MTO1: variants seen among roughly 807,000 people sequenced by gnomAD.
The protein encoded by MTO1 is mitochondrial tRNA translation optimization 1, also known as 5-taurinomethyluridine-[tRNA] synthase subunit MTO1, mitochondrial.
In MTO1, 46 loss-of-function variants were observed where a neutral mutation model predicts 71.6. That is an observed-to-expected ratio of 0.64 (90% CI 0.51 to 0.82). MTO1 has a LOEUF of 0.82. Among genes scored for constraint, MTO1 ranks in the 40% least tolerant of loss-of-function variants. MTO1 has a pLI of 0.00. For missense variants in MTO1, 773 were observed against 867.5 expected (o/e 0.89, Z 1.37); for synonymous variants, 297 against 312.1 (o/e 0.95, Z 0.51).
rs1024264399 is a variant in MTO1, at chr6:73,482,263, C to T, written c.1465+19C>T. ...CTGCGAGGTAACTCTTTCCTGAGTC[C>T]TGCAATCCAGCCAGGCATGGTGGCT... On this transcript the variant is annotated intron_variant, in intron 8 of 11. Coordinates refer to ENST00000498286, the MANE Select transcript of MTO1 (RefSeq NM_012123.4). 1 of 1,612,638 alleles carries T rather than the reference C, an allele frequency of 6.2e-7. No homozygotes were observed. The highest frequency in any genetic ancestry group is 1.3e-5 in the African/African-American group (1 of 74,856).
Position 73,480,719 on chromosome 6 carries a change from C to G in MTO1, c.1174C>G (p.Pro392Ala). The G allele has an allele frequency of 6.2e-7, 1 of 1,613,942 alleles. No homozygotes were observed. The highest frequency in any genetic ancestry group is 2.2e-5 in the East Asian group (1 of 44,874). ...YDYLDPRQIT[P>A]SLETHLVQRL... is the part of the protein sequence containing the mutation. ...TTACTTAGATCCCCGTCAGATCACC[C>G]CTTCCTTGGAGACTCATTTGGTTCA... The change falls in exon 7 of 12, where the codon CCT becomes GCT. Residue 392 changes from proline to alanine, a missense_variant. Coordinates refer to ENST00000498286, the MANE Select transcript of MTO1 (RefSeq NM_012123.4).
At position 73,461,981 on chromosome 6, in the gene MTO1, G is replaced by T; in HGVS notation, c.127G>T (p.Gly43Cys). The T allele has an allele frequency of 6.2e-7, 1 of 1,614,240 alleles. No homozygotes were observed. The highest frequency in any genetic ancestry group is 8.5e-7 in the Non-Finnish European group (1 of 1,180,048). Residue 43 changes from glycine (G) to cysteine (C), a missense_variant, in exon 1 of 12, where the codon GGT becomes TGT. Gly to Cys is a radical substitution (Grantham distance 159, BLOSUM62 -3). Transcript: ENST00000498286. ...TCCGCACTTCGACGTGATAGTCATT[G>T]GTGGAGGACATGCCGGGACTGAGGC... ...RTPHFDVIVI[G>C]GGHAGTEAAT... is the part of the protein sequence containing the mutation.
chr6:73,469,587 A>G (rs1771091574), intron 3 of MTO1, among the ~76,000 whole-genome samples: 1 of 151,872 alleles, frequency 6.6e-6, no homozygotes, highest in South Asian at 2.1e-4. Flanking sequence ...GTGCCACTGC[A>G]CTCCAGCCTG....
chr6:73,473,720 A>T (rs1457994752), intron 4 of MTO1, 66 bp downstream of exon 4: 1 of 1,039,492 alleles, frequency 9.6e-7, no homozygotes, highest in South Asian at 2.3e-5. Context: ...AAGTACTGTA[A>T]CTTTTTTTTT....
intron 4 of MTO1, among the ~76,000 whole-genome samples, chr6:73,476,781 A>G (rs1582681373): frequency 1.3e-5 from 2 of 151,798 alleles, no homozygotes; most frequent in South Asian, 4.2e-4. Context: ...CAGGGACAAT[A>G]AAATTTAAAT....
At chr6:73,474,728 A>G (rs969678390) in intron 4 of MTO1, among the ~76,000 whole-genome samples, 5 of 151,226 alleles carry the variant, frequency 3.3e-5, no homozygotes, top group Admixed American at 2.0e-4. Context: ...TGCTGGGATT[A>G]CAGATGTGAG....
intron 10 of MTO1, among the ~76,000 whole-genome samples, chr6:73,492,995 T>TGTGTGTGTGTGTGTGTGTG (rs540252865): frequency 5.5e-5 from 4 of 73,308 alleles, no homozygotes; most frequent in African/African-American, 1.9e-4. Flanking sequence ...TGTGTGTGTA[T>TGTGTGTGTGTGTGTGTGTG]TTTTTTTTTT....
chr6:73,466,128 C>G, intron 1 of MTO1, 81 bp from the exon 2 acceptor site: 1 of 1,171,580 alleles, frequency 8.5e-7, no homozygotes, highest in African/African-American at 1.5e-5. Flanking sequence ...TTATAGTCAC[C>G]TGTATAAATG....
intron 4 of MTO1, among the ~76,000 whole-genome samples, chr6:73,475,754 C>T (rs972073065): frequency 3.9e-5 from 6 of 151,990 alleles, no homozygotes; most frequent in South Asian, 2.1e-4. Flanking sequence ...TCAGGTGATC[C>T]GCCCGCCTCG....
Position 73,505,901 on chromosome 6 carries a change from T to C in MTO1, c.*5166T>C, listed in dbSNP as rs1251595787. ...AAAGAGTTCTGGAGATGGTTGATGG[T>C]GATGGTTGCACAACAATTTGAATAT... is the stretch of plus-strand genomic sequence containing the variant. On this transcript the variant is annotated 3_prime_UTR_variant, in exon 12 of 12. Coordinates refer to ENST00000498286, the MANE Select transcript of MTO1 (RefSeq NM_012123.4). 6.6e-6 allele frequency: 1 copy of C among 152,132 alleles called. No individual in the cohort carries two copies. The highest frequency in any genetic ancestry group is 1.5e-5 in the Non-Finnish European group (1 of 68,042). 9.4% of individuals were successfully genotyped at this position (152,132 alleles called of 1,614,324 possible). A position where few individuals can be genotyped will look rare whatever the true frequency, so the allele number is the denominator to read the frequency against.
chr6:73,496,950 G>A (rs967382458), intron 10 of MTO1, among the ~76,000 whole-genome samples: 3 of 151,278 alleles, frequency 2.0e-5, no homozygotes, highest in Admixed American at 6.6e-5. Flanking sequence ...CTACTTAGGA[G>A]GCTGAGGCAG....
At position 73,461,802 on chromosome 6, in the gene MTO1, T is replaced by G; in HGVS notation, c.-53T>G. The G allele has an allele frequency of 6.3e-7, 1 of 1,576,176 alleles. No homozygotes were observed. Among genetic ancestry groups the G allele is most frequent in the Non-Finnish European group, 8.7e-7 (1 of 1,150,914 alleles). ...CAGATTGTCTCTTGTTGCGTAAGTT[T>G]TTTTGACCGTCACTCGTGTCAGCTT... On this transcript the variant is annotated 5_prime_UTR_variant, in exon 1 of 12. Coordinates refer to ENST00000498286, the MANE Select transcript of MTO1 (RefSeq NM_012123.4).
Position 73,480,810 on chromosome 6 carries a change from G to A in MTO1, c.1260+5G>A. On this transcript the variant is annotated splice_donor_5th_base_variant and intron_variant, in intron 7 of 11. Coordinates refer to ENST00000498286, the MANE Select transcript of MTO1 (RefSeq NM_012123.4). ...TATGAGGAAGCTGCAGCTCAAGTAA[G>A]AAGTTAAGATATTAATGTAAACTGA... 6.2e-7 allele frequency: 1 copy of A among 1,613,642 alleles called. No individual in the cohort carries two copies. The highest frequency in any genetic ancestry group is 1.1e-5 in the South Asian group (1 of 91,048).
In MTO1 at chr6:73,507,584, T is replaced by C. The variant is rs1772321046; in HGVS notation, c.*6849T>C. ...TTAAAGTCTAACTTCAAGTTGCTGT[T>C]GAGCATAGATCTCAGGTCTTCTGAC... On this transcript the variant is annotated 3_prime_UTR_variant, in exon 12 of 12. Transcript: ENST00000498286. 6.6e-6 allele frequency: 1 copy of C among 152,238 alleles called. No individual in the cohort carries two copies. The highest frequency in any genetic ancestry group is 1.5e-5 in the Non-Finnish European group (1 of 68,050). The allele number at this position is 152,238 out of a possible 1,614,324, so 9.4% of individuals were successfully genotyped here. A position where few individuals can be genotyped will look rare whatever the true frequency, so the allele number is the denominator to read the frequency against.
intron 9 of MTO1, among the ~76,000 whole-genome samples, chr6:73,484,944 G>A (rs2055202721): frequency 6.6e-6 from 1 of 151,804 alleles, no homozygotes; most frequent in Non-Finnish European, 1.5e-5. Flanking sequence ...CTATTCAAGA[G>A]GCTGAGGGAG....
At position 73,490,238 on chromosome 6, in the gene MTO1, T is replaced by C. The variant is rs188871371; in HGVS notation, c.1638-1996T>C. Among the ~76,000 whole-genome samples the C allele has an allele frequency of 1.9e-3, 294 of 152,302 alleles. 2 individuals carry two copies. Among genetic ancestry groups the C allele is most frequent in the African/African-American group, 6.7e-3 (280 of 41,572 alleles). Reference sequence around the variant, plus strand: ...TAAAAATTTTCTCCCATTCTGTAGGTTGCCTGTTCACTCTGATGGTAGTTT... The same window carrying C: ...TAAAAATTTTCTCCCATTCTGTAGGCTGCCTGTTCACTCTGATGGTAGTTT... On this transcript the variant is annotated intron_variant, in intron 9 of 11. Transcript: ENST00000498286.
chr6:73,464,501 TG>T (rs1424827014), intron 1 of MTO1, among the ~76,000 whole-genome samples: 4 of 151,944 alleles, frequency 2.6e-5, no homozygotes, highest in Non-Finnish European at 5.9e-5. Flanking sequence ...AGGTCTTGTC[TG>T]GGCATGGTGG....
At chr6:73,482,385 C>G (rs1771528408) in intron 8 of MTO1, 64 bp from the exon 9 acceptor site, 1 of 1,552,332 alleles carries the variant, frequency 6.4e-7, no homozygotes, top group Admixed American at 1.8e-5. Flanking sequence ...GAGACACTGT[C>G]TCTACAAAAA....
At chr6:73,463,426 T>C (rs1004861960) in intron 1 of MTO1, among the ~76,000 whole-genome samples, 3 of 152,170 alleles carry the variant, frequency 2.0e-5, no homozygotes, top group Non-Finnish European at 1.5e-5. Context: ...TAATGGGTAA[T>C]GGTTGGATGG....
Sources: gnomAD v4.1 joint callset for allele counts (sites outside exome capture counted in the v4.1 genomes callset) on GRCh38, gnomAD v4.1.1 for gene constraint, MANE v1.5 for transcripts, NCBI Gene and HGNC (gene_info 2026-07-23, HGNC 2026-07-21) for gene names.